The following FBXL17 variants were observed in gnomAD, a reference collection of about 807,000 sequenced individuals.
The protein encoded by FBXL17 is F-box and leucine rich repeat protein 17.
FBXL17 carries 22 observed loss-of-function variants against 66.2 expected under a neutral mutation model. That is an observed-to-expected ratio of 0.33 (90% CI 0.24 to 0.47). FBXL17 has a LOEUF of 0.47. Among genes scored for constraint, FBXL17 ranks in the 20% least tolerant of loss-of-function variants. FBXL17 has a pLI of 1.00. For missense variants in FBXL17, 878 were observed against 948.2 expected (o/e 0.93, Z 0.97); for synonymous variants, 474 against 400.5 (o/e 1.18, Z -2.19).
intron 6 of FBXL17, among the ~76,000 whole-genome samples, chr5:108,069,064 C>T (rs1422367315): frequency 6.6e-6 from 1 of 152,144 alleles, no homozygotes; most frequent in African/African-American, 2.4e-5. Context: ...GTAACACTTT[C>T]ACACACATAC....
intron 3 of FBXL17, among the ~76,000 whole-genome samples, chr5:108,349,153 TA>T (rs1747483878): frequency 6.6e-6 from 1 of 152,188 alleles, no homozygotes; most frequent in Non-Finnish European, 1.5e-5. Flanking sequence ...CTTAAAGGAA[TA>T]AATTATGGTG....
chr5:108,326,446 A>G (rs1759856267), intron 4 of FBXL17, among the ~76,000 whole-genome samples: 1 of 151,628 alleles, frequency 6.6e-6, no homozygotes, highest in Admixed American at 6.6e-5. Context: ...TAAAAATTAA[A>G]AAAAAAATGA....
At chr5:108,278,287 AC>A (rs1223755571) in intron 4 of FBXL17, among the ~76,000 whole-genome samples, 3 of 152,146 alleles carry the variant, frequency 2.0e-5, no homozygotes, top group African/African-American at 7.2e-5. Context: ...TGGGTTCCAC[AC>A]CCTTTCTGAA....
intron 6 of FBXL17, among the ~76,000 whole-genome samples, chr5:108,026,372 T>C (rs1054148628): frequency 1.3e-5 from 2 of 152,180 alleles, no homozygotes; most frequent in Non-Finnish European, 2.9e-5. Flanking sequence ...GGTATCAAGG[T>C]GATATGTTAA....
chr5:108,110,963 T>G (rs1243035479), intron 6 of FBXL17, among the ~76,000 whole-genome samples: 1 of 152,200 alleles, frequency 6.6e-6, no homozygotes, highest in Non-Finnish European at 1.5e-5. Flanking sequence ...ATACATTGAA[T>G]AGTCCACATT....
At chr5:108,010,604 C>G (rs1026110937) in intron 7 of FBXL17, among the ~76,000 whole-genome samples, 1 of 152,108 alleles carries the variant, frequency 6.6e-6, no homozygotes, top group African/African-American at 2.4e-5. Flanking sequence ...AAAATTCAAT[C>G]AAAGGAAGCA....
chr5:108,162,036 G>A lies in FBXL17; in HGVS notation c.1745+24081C>T, dbSNP rs1050747954. On this transcript the variant is annotated intron_variant, in intron 6 of 8. Coordinates refer to ENST00000542267, the MANE Select transcript of FBXL17 (RefSeq NM_001163315.3). The stretch of plus-strand genomic sequence containing the variant: ...ATAGAAATTATGAAAACGTAAAGTG[G>A]CAAAAGCATTATACAATTATTGCTA... Among the ~76,000 whole-genome samples the A allele has an allele frequency of 5.3e-5, 8 of 152,312 alleles. No homozygotes were observed. In the South Asian group the frequency reaches 1.7e-3, roughly 32 times the overall value.
chr5:107,975,747 C>A (rs555137660), intron 7 of FBXL17, among the ~76,000 whole-genome samples: 1 of 151,830 alleles, frequency 6.6e-6, no homozygotes, highest in East Asian at 1.9e-4. Flanking sequence ...ACAAAGAATT[C>A]CAGAAAGCAA....
chr5:108,099,628 A>G (rs1266229157), intron 6 of FBXL17, among the ~76,000 whole-genome samples: 1 of 152,178 alleles, frequency 6.6e-6, no homozygotes, highest in African/African-American at 2.4e-5. Flanking sequence ...TCAACTTACC[A>G]TCCTAGATAT....
intron 4 of FBXL17, among the ~76,000 whole-genome samples, chr5:108,249,803 T>C (rs1241203118): frequency 6.6e-6 from 1 of 152,146 alleles, no homozygotes; most frequent in African/African-American, 2.4e-5. Flanking sequence ...CACAATTAGA[T>C]ATATTCTTGT....
chr5:108,278,546 G>A (rs1439485185), intron 4 of FBXL17, among the ~76,000 whole-genome samples: 2 of 152,230 alleles, frequency 1.3e-5, no homozygotes, highest in African/African-American at 2.4e-5. Context: ...TTGCCACAGA[G>A]GCTTGATCTT....
At chr5:107,886,624 CAGA>C (rs1412729610) in intron 7 of FBXL17, among the ~76,000 whole-genome samples, 2 of 151,998 alleles carry the variant, frequency 1.3e-5, no homozygotes, top group Non-Finnish European at 2.9e-5. Flanking sequence ...AGGATCCAAT[CAGA>C]AGAAGCTGCC....
intron 5 of FBXL17, among the ~76,000 whole-genome samples, chr5:108,196,963 ACTGT>A (rs1753705129): frequency 6.6e-6 from 1 of 152,124 alleles, no homozygotes. Context: ...AATTTTAATC[ACTGT>A]CTGCTGCTGC....
intron 6 of FBXL17, among the ~76,000 whole-genome samples, chr5:108,113,413 A>G (rs1750116989): frequency 6.6e-6 from 1 of 152,180 alleles, no homozygotes; most frequent in African/African-American, 2.4e-5. Flanking sequence ...TTTCCAACAT[A>G]TGCACATGTG....
At chr5:108,109,703 A>T (rs1011869122) in intron 6 of FBXL17, among the ~76,000 whole-genome samples, 3 of 152,190 alleles carry the variant, frequency 2.0e-5, no homozygotes, top group African/African-American at 7.2e-5. Context: ...AATACCAGTT[A>T]GTGCCCCACT....
At chr5:108,196,884 C>CT (rs1458827254) in intron 5 of FBXL17, among the ~76,000 whole-genome samples, 5 of 151,948 alleles carry the variant, frequency 3.3e-5, no homozygotes, top group Non-Finnish European at 5.9e-5. Context: ...AAATTCAAAA[C>CT]TTTTTTTTAA....
intron 7 of FBXL17, among the ~76,000 whole-genome samples, chr5:107,907,405 ACT>A (rs1475896252): frequency 6.6e-6 from 1 of 152,140 alleles, no homozygotes; most frequent in East Asian, 1.9e-4. Flanking sequence ...GCACCTGTGA[ACT>A]CTCAACACAG....
intron 8 of FBXL17, among the ~76,000 whole-genome samples, chr5:107,869,001 G>C (rs971947213): frequency 1.3e-5 from 2 of 152,214 alleles, no homozygotes; most frequent in Non-Finnish European, 2.9e-5. Context: ...TCTGCTTTGA[G>C]AAAGAGAGGG....
chr5:108,329,989 A>T (rs1760045812), intron 4 of FBXL17, among the ~76,000 whole-genome samples: 1 of 152,144 alleles, frequency 6.6e-6, no homozygotes, highest in Admixed American at 6.5e-5. Flanking sequence ...CCTATGGAAA[A>T]GGGTCTGGAA....
Sources: gnomAD v4.1 joint callset for allele counts (sites outside exome capture counted in the v4.1 genomes callset) on GRCh38, gnomAD v4.1.1 for gene constraint, MANE v1.5 for transcripts, NCBI Gene and HGNC (gene_info 2026-07-23, HGNC 2026-07-21) for gene names.